Variants in DLGAP2 observed in about 807,000 individuals in gnomAD.
DLGAP2 encodes the protein disks large-associated protein 2.
Under a neutral mutation model 100.3 loss-of-function variants are expected in DLGAP2, and 26 were observed. The observed-to-expected ratio is 0.26, with a 90% confidence interval of 0.19 to 0.36. The LOEUF is 0.36. DLGAP2 is among the 10% of genes least tolerant of loss of function. The probability of loss-of-function intolerance (pLI) is 1.00; values close to 1 mark genes in which losing one functional copy is unlikely to be tolerated. For synonymous variants in DLGAP2, 886 were observed against 630.1 expected (o/e 1.41, Z -6.08); for missense variants, 1,858 against 1,453.2 (o/e 1.28, Z -4.53).
At chr8:1,209,972 C>T (rs552821849) in intron 2 of DLGAP2, among the ~76,000 whole-genome samples, 1 of 152,188 alleles carries the variant, frequency 6.6e-6, no homozygotes, top group Non-Finnish European at 1.5e-5. Context: ...TTTAGCAACT[C>T]AAATAATTTG....
chr8:1,191,437 G>T (rs11991035), intron 2 of DLGAP2, among the ~76,000 whole-genome samples: 6,064 of 152,104 alleles, frequency 0.04, 343 homozygotes, highest in African/African-American at 0.11. Flanking sequence ...CCCAAAGTGC[G>T]GGGATTATAG....
intron 3 of DLGAP2, among the ~76,000 whole-genome samples, chr8:1,332,356 C>T (rs1198461823): frequency 1.3e-5 from 2 of 151,838 alleles, no homozygotes; most frequent in Non-Finnish European, 2.9e-5. Flanking sequence ...TGTGTGTATA[C>T]ATCTGTGTAC....
chr8:1,286,275 C>T (rs1361495920), intron 3 of DLGAP2, among the ~76,000 whole-genome samples: 1 of 152,208 alleles, frequency 6.6e-6, no homozygotes, highest in Non-Finnish European at 1.5e-5. Context: ...CCTGAGGCCT[C>T]CTCAGCCATG....
chr8:1,236,228 C>G (rs1377542278), intron 2 of DLGAP2, among the ~76,000 whole-genome samples: 1 of 85,160 alleles, frequency 1.2e-5, no homozygotes, highest in South Asian at 4.5e-4. Context: ...GTGTCTAGTT[C>G]TCTCACATGG....
intron 3 of DLGAP2, among the ~76,000 whole-genome samples, chr8:1,495,980 A>G (rs1423292233): frequency 6.6e-6 from 1 of 152,138 alleles, no homozygotes; most frequent in Non-Finnish European, 1.5e-5. Context: ...CAAGACTGTG[A>G]GTATTCCCAG....
At chr8:1,431,171 G>A (rs1271252585) in intron 3 of DLGAP2, among the ~76,000 whole-genome samples, 1 of 152,228 alleles carries the variant, frequency 6.6e-6, no homozygotes, top group Non-Finnish European at 1.5e-5. Flanking sequence ...ACAAGTCAGT[G>A]AGCTGAAATG....
chr8:756,508 G>A (rs1820925341), intron 1 of DLGAP2, among the ~76,000 whole-genome samples: 1 of 152,184 alleles, frequency 6.6e-6, no homozygotes, highest in Non-Finnish European at 1.5e-5. Context: ...TCCAGGCCTT[G>A]TTCTTTAGGT....
chr8:1,329,320 A>G (rs978697593), intron 3 of DLGAP2, among the ~76,000 whole-genome samples: 1 of 152,166 alleles, frequency 6.6e-6, no homozygotes, highest in Non-Finnish European at 1.5e-5. Context: ...GCATTCCTGA[A>G]ATTTCTGGCT....
At chr8:787,384 G>A (rs1326780288) in intron 1 of DLGAP2, among the ~76,000 whole-genome samples, 1 of 152,222 alleles carries the variant, frequency 6.6e-6, no homozygotes, top group African/African-American at 2.4e-5. Flanking sequence ...CATGCTCGTT[G>A]CAAGCCGAGG....
intron 3 of DLGAP2, among the ~76,000 whole-genome samples, chr8:1,493,835 C>G (rs1584952925): frequency 1.3e-5 from 2 of 151,360 alleles, no homozygotes; most frequent in East Asian, 1.9e-4. Flanking sequence ...GACCCTGCTT[C>G]TTACCCTGAT....
At chr8:865,501 G>A (rs1234053511) in intron 1 of DLGAP2, among the ~76,000 whole-genome samples, 1 of 152,006 alleles carries the variant, frequency 6.6e-6, no homozygotes, top group African/African-American at 2.4e-5. Context: ...GATGTTCCCC[G>A]GGGCTGAGTT....
intron 4 of DLGAP2, among the ~76,000 whole-genome samples, chr8:1,528,227 C>T (rs898499011): frequency 1.3e-5 from 2 of 152,192 alleles, no homozygotes; most frequent in Admixed American, 6.5e-5. Flanking sequence ...TAGCTTTCCT[C>T]CTCAGGCCAC....
chr8:1,321,025 G>A (rs1208951858), intron 3 of DLGAP2, among the ~76,000 whole-genome samples: 2 of 151,182 alleles, frequency 1.3e-5, no homozygotes, highest in East Asian at 2.0e-4. Context: ...GCATCCGTGT[G>A]CCTCTGTGCC....
At chr8:1,639,159 T>G (rs1797838185) in intron 8 of DLGAP2, among the ~76,000 whole-genome samples, 1 of 152,008 alleles carries the variant, frequency 6.6e-6, no homozygotes, top group Non-Finnish European at 1.5e-5. Context: ...AGGTCGAGGC[T>G]GGAGGTGCGG....
intron 1 of DLGAP2, among the ~76,000 whole-genome samples, chr8:821,752 T>A (rs1427308597): frequency 6.6e-6 from 1 of 152,218 alleles, no homozygotes; most frequent in Non-Finnish European, 1.5e-5. Context: ...TGATTTAAAG[T>A]ATGGTTTTAT....
At chr8:1,339,616 A>G (rs1006328022) in intron 3 of DLGAP2, among the ~76,000 whole-genome samples, 3 of 152,236 alleles carry the variant, frequency 2.0e-5, no homozygotes, top group Non-Finnish European at 4.4e-5. Context: ...AATCTGTAAC[A>G]GGAGCTTCAC....
At chr8:1,645,772 A>C (rs1324404897) in intron 8 of DLGAP2, among the ~76,000 whole-genome samples, 1 of 152,210 alleles carries the variant, frequency 6.6e-6, no homozygotes, top group Non-Finnish European at 1.5e-5. Flanking sequence ...ACATGATTTA[A>C]TAGGATATTT....
At chr8:1,560,775 G>A (rs760244294) in intron 5 of DLGAP2, among the ~76,000 whole-genome samples, 6 of 152,190 alleles carry the variant, frequency 3.9e-5, no homozygotes, top group Non-Finnish European at 8.8e-5. Flanking sequence ...AAATTCACAC[G>A]GACAAAATGT....
intron 12 of DLGAP2, among the ~76,000 whole-genome samples, chr8:1,685,286 G>T (rs560946857): frequency 6.6e-6 from 1 of 152,232 alleles, no homozygotes; most frequent in African/African-American, 2.4e-5. Flanking sequence ...AACTGTGCCT[G>T]TGTCCATGGT....
Sources: allele counts gnomAD v4.1 joint callset (sites outside exome capture counted in the v4.1 genomes callset), GRCh38; gene constraint gnomAD v4.1.1; transcripts MANE v1.5; gene names NCBI Gene and HGNC (gene_info 2026-07-23, HGNC 2026-07-21).